The following MLIP variants were observed in gnomAD, a reference collection of about 807,000 sequenced individuals.
MLIP encodes muscular LMNA interacting protein.
MLIP carries 79 observed loss-of-function variants against 84.8 expected under a neutral mutation model. The ratio of observed to expected loss-of-function variants is 0.93; its 90% CI spans 0.78 to 1.12. The LOEUF (loss-of-function observed/expected upper bound fraction) is 1.12, where lower values mean the gene tolerates loss of function less well. Among genes scored for constraint, MLIP ranks in the 50% most tolerant of loss-of-function variants. MLIP has a pLI of 0.00. For synonymous variants in MLIP, 504 were observed against 463.0 expected (o/e 1.09, Z -1.14); for missense variants, 1,257 against 1,160.6 (o/e 1.08, Z -1.21).
chr6:54,021,298 C>T (rs1763487432), intron 1 of MLIP, among the ~76,000 whole-genome samples: 1 of 151,746 alleles, frequency 6.6e-6, no homozygotes, highest in African/African-American at 2.4e-5. Context: ...ATATTTTTTC[C>T]ATTAAAATAT....
At chr6:54,166,053 T>C (rs2150578756) in intron 8 of MLIP, among the ~76,000 whole-genome samples, 1 of 152,036 alleles carries the variant, frequency 6.6e-6, no homozygotes, top group East Asian at 1.9e-4. Context: ...AATAAATTTC[T>C]GTTGTTTATA....
At chr6:54,043,489 G>C (rs915122570) in intron 1 of MLIP, 1 of 152,092 alleles carries the variant, frequency 6.6e-6, no homozygotes, top group Non-Finnish European at 1.5e-5. Context: ...ACATGTTTTC[G>C]TTCTTGCCAC....
At chr6:54,161,550 A>AT (rs1189177878) in intron 8 of MLIP, among the ~76,000 whole-genome samples, 2 of 151,694 alleles carry the variant, frequency 1.3e-5, no homozygotes, top group Non-Finnish European at 2.9e-5. Context: ...TTAGCTACTG[A>AT]TTTTTTTGGT....
chr6:54,184,653 C>T (rs1457319940), intron 9 of MLIP, among the ~76,000 whole-genome samples: 1 of 152,020 alleles, frequency 6.6e-6, no homozygotes, highest in South Asian at 2.1e-4. Context: ...TGGTCTTTAA[C>T]TCTTTTAGTT....
At chr6:54,113,930 T>A (rs1373565314) in intron 1 of MLIP, among the ~76,000 whole-genome samples, 1 of 152,168 alleles carries the variant, frequency 6.6e-6, no homozygotes, top group Non-Finnish European at 1.5e-5. Flanking sequence ...ACTTGCCACA[T>A]CCTGCCAAAA....
At chr6:54,084,983 T>C (rs1157600209) in intron 1 of MLIP, among the ~76,000 whole-genome samples, 1 of 152,218 alleles carries the variant, frequency 6.6e-6, no homozygotes, top group African/African-American at 2.4e-5. Context: ...CCTCCACTTC[T>C]TGAAGACATT....
At chr6:54,136,508 G>C (rs1334556841) in intron 3 of MLIP, among the ~76,000 whole-genome samples, 1 of 152,152 alleles carries the variant, frequency 6.6e-6, no homozygotes, top group Non-Finnish European at 1.5e-5. Context: ...ATGAGGTATA[G>C]GATGTAATGC....
At chr6:54,243,507 A>G (rs1315262937) in intron 12 of MLIP, among the ~76,000 whole-genome samples, 1 of 152,220 alleles carries the variant, frequency 6.6e-6, no homozygotes, top group Admixed American at 6.5e-5. Context: ...TATAAGGAAC[A>G]TATTTAGAAA....
At chr6:54,051,828 A>G (rs1765390690) in intron 1 of MLIP, among the ~76,000 whole-genome samples, 1 of 152,120 alleles carries the variant, frequency 6.6e-6, no homozygotes, top group Admixed American at 6.6e-5. Context: ...AGTTTAGAAC[A>G]CTTAGTACGG....
At chr6:54,162,838 C>T (rs1486462371) in intron 8 of MLIP, among the ~76,000 whole-genome samples, 4 of 151,764 alleles carry the variant, frequency 2.6e-5, no homozygotes, top group East Asian at 1.9e-4. Flanking sequence ...ACATAGACAC[C>T]GTGAGCGTCC....
At chr6:54,068,136 C>T (rs1438251920) in intron 1 of MLIP, among the ~76,000 whole-genome samples, 2 of 76,862 alleles carry the variant, frequency 2.6e-5, no homozygotes, top group East Asian at 7.8e-4. Flanking sequence ...CCCCTCCCCT[C>T]CCCTCCTCTC....
chr6:54,107,773 A>T (rs1378840270), upstream of MLIP, among the ~76,000 whole-genome samples: 1 of 152,142 alleles, frequency 6.6e-6, no homozygotes, highest in African/African-American at 2.4e-5. Flanking sequence ...TTATTATTTT[A>T]TGTCTTCAGA....
At chr6:54,130,500 G>A (rs1368445696) in intron 3 of MLIP, among the ~76,000 whole-genome samples, 1 of 152,198 alleles carries the variant, frequency 6.6e-6, no homozygotes, top group Non-Finnish European at 1.5e-5. Context: ...GAGAAACTAT[G>A]TTTCCGCTTC....
rs750822237 is a variant in MLIP at position 54,113,133 on chromosome 6, A to G, written c.96+1558A>G. On this transcript the variant is annotated intron_variant, in intron 1 of 13. Coordinates refer to ENST00000502396, the MANE Select transcript of MLIP (RefSeq NM_001281747.2). ...CTTATAATGAAGACTTTCATATATT[A>G]TTTTTTAAATTTTATTTGGATGGAA... 2.6e-4 allele frequency among the ~76,000 whole-genome samples: 39 copies of G among 152,158 alleles called. 1 individual carries two copies. The highest frequency in any genetic ancestry group is 4.4e-5 in the Non-Finnish European group (3 of 67,998).
In MLIP at chr6:54,149,107, A is replaced by G. The variant is rs1419813195; in HGVS notation, c.2269A>G (p.Thr757Ala). ...YKAFAAIPTNTLLLEQKALDE... is the reference protein window; with the variant it reads ...YKAFAAIPTNALLLEQKALDE... ...GGCTTTTGCAGCAATCCCTACAAAC[A>G]CATTGCTTTTGGAACAGAAGGTCAG... Residue 757 changes from threonine to alanine, a missense_variant, in exon 5 of 14, where the codon ACA (threonine) becomes GCA (alanine). Coordinates refer to ENST00000502396, the MANE Select transcript of MLIP (RefSeq NM_001281747.2). 3 of 1,612,736 alleles carry G rather than the reference A, an allele frequency of 1.9e-6. No individual in the cohort carries two copies. Among genetic ancestry groups the G allele is most frequent in the Non-Finnish European group, 2.5e-6 (3 of 1,179,172 alleles).
At chr6:54,138,440 G>T (rs1772016335) in intron 4 of MLIP, among the ~76,000 whole-genome samples, 154 bp downstream of exon 4, 1 of 152,086 alleles carries the variant, frequency 6.6e-6, no homozygotes, top group Non-Finnish European at 1.5e-5. Flanking sequence ...TGGTATATTT[G>T]AATGTGTAAA....
chr6:54,213,576 C>T (rs1452386854), intron 11 of MLIP, among the ~76,000 whole-genome samples: 3 of 151,792 alleles, frequency 2.0e-5, no homozygotes, highest in African/African-American at 4.8e-5. Flanking sequence ...GTGGTACGTG[C>T]CTGTAATCCC....
intron 3 of MLIP, 137 bp from the exon 4 acceptor site, chr6:54,136,578 A>C: frequency 6.1e-4 from 419 of 685,236 alleles, no homozygotes; most frequent in Non-Finnish European, 8.2e-4. Flanking sequence ...GCAAAATAGA[A>C]TTTCCTTCAT....
intron 1 of MLIP, among the ~76,000 whole-genome samples, chr6:54,104,211 A>G (rs1768851807): frequency 6.6e-6 from 1 of 152,172 alleles, no homozygotes; most frequent in South Asian, 2.1e-4. Context: ...TAAACAAAAA[A>G]TCAGATTATG....
Sources: gnomAD v4.1 joint callset for allele counts (sites outside exome capture counted in the v4.1 genomes callset) on GRCh38, gnomAD v4.1.1 for gene constraint, MANE v1.5 for transcripts, NCBI Gene and HGNC (gene_info 2026-07-23, HGNC 2026-07-21) for gene names.